KCND2: variants seen among roughly 807,000 people sequenced by gnomAD.
KCND2 encodes A-type voltage-gated potassium channel KCND2.
In KCND2, 16 loss-of-function variants were observed where a neutral mutation model predicts 54.4. That is an observed-to-expected ratio of 0.29 (90% CI 0.20 to 0.45). The LOEUF (loss-of-function observed/expected upper bound fraction) is 0.45, where lower values mean the gene tolerates loss of function less well. KCND2 is among the 20% of genes least tolerant of loss of function. The pLI is 1.00. For synonymous variants in KCND2, 317 were observed against 310.7 expected (o/e 1.02, Z -0.21); for missense variants, 486 against 824.2 (o/e 0.59, Z 5.02).
intron 1 of KCND2, among the ~76,000 whole-genome samples, chr7:120,402,977 A>G (rs1338893581): frequency 6.6e-6 from 1 of 152,200 alleles, no homozygotes; most frequent in Admixed American, 6.5e-5. Context: ...CTTGGGAAGC[A>G]TAACTGGAAA....
chr7:120,623,796 T>C (rs1306539836), intron 1 of KCND2, among the ~76,000 whole-genome samples: 1 of 152,128 alleles, frequency 6.6e-6, no homozygotes, highest in African/African-American at 2.4e-5. Context: ...TTTAACCAGG[T>C]CCTGAAGAAT....
At chr7:120,422,677 C>T (rs919189072) in intron 1 of KCND2, among the ~76,000 whole-genome samples, 5 of 152,204 alleles carry the variant, frequency 3.3e-5, no homozygotes, top group Admixed American at 3.3e-4. Context: ...TCCGTCTGCC[C>T]TCCACCTCGC....
chr7:120,464,644 G>T (rs954286878), intron 1 of KCND2, among the ~76,000 whole-genome samples: 1 of 152,170 alleles, frequency 6.6e-6, no homozygotes, highest in South Asian at 2.1e-4. Flanking sequence ...GCTAAGTTCA[G>T]CTCATATCTA....
chr7:120,513,800 A>G (rs1446092040), intron 1 of KCND2, among the ~76,000 whole-genome samples: 1 of 152,096 alleles, frequency 6.6e-6, no homozygotes, highest in Non-Finnish European at 1.5e-5. Flanking sequence ...ATATGAAAAC[A>G]TTTATTTTAA....
intron 1 of KCND2, among the ~76,000 whole-genome samples, chr7:120,338,689 A>G (rs1020447023): frequency 6.6e-6 from 1 of 152,160 alleles, no homozygotes; most frequent in Non-Finnish European, 1.5e-5. Context: ...GTCTACATTT[A>G]TAGACATTTG....
chr7:120,687,598 A>G (rs1792219839), intron 1 of KCND2, among the ~76,000 whole-genome samples: 1 of 152,026 alleles, frequency 6.6e-6, no homozygotes, highest in Non-Finnish European at 1.5e-5. Context: ...AGTGGGTTGC[A>G]TGAGCCCAGG....
intron 1 of KCND2, among the ~76,000 whole-genome samples, chr7:120,447,287 T>C (rs895876295): frequency 2.0e-5 from 3 of 151,226 alleles, no homozygotes; most frequent in African/African-American, 7.3e-5. Flanking sequence ...AGAATGGATA[T>C]ATAACCTAGT....
chr7:120,420,897 A>G (rs1206220132), intron 1 of KCND2, among the ~76,000 whole-genome samples: 1 of 152,180 alleles, frequency 6.6e-6, no homozygotes, highest in African/African-American at 2.4e-5. Flanking sequence ...CATGAGCTCT[A>G]TGTGACATCG....
intron 1 of KCND2, among the ~76,000 whole-genome samples, chr7:120,383,148 C>A (rs936192006): frequency 6.6e-6 from 1 of 151,904 alleles, no homozygotes; most frequent in East Asian, 1.9e-4. Flanking sequence ...TGAGTGATAT[C>A]CTACCACTCC....
chr7:120,432,701 C>A (rs550692171), intron 1 of KCND2, among the ~76,000 whole-genome samples: 4 of 151,982 alleles, frequency 2.6e-5, no homozygotes, highest in Non-Finnish European at 5.9e-5. Flanking sequence ...CTGGACTGCA[C>A]TGGCACGATC....
intron 1 of KCND2, among the ~76,000 whole-genome samples, chr7:120,365,092 A>G (rs12706280): frequency 0.68 from 103,145 of 151,570 alleles, 38,859 homozygotes; most frequent in South Asian, 0.91. Context: ...AAGCCAAGGT[A>G]AAGTTCATAG....
At chr7:120,331,540 A>G (rs573846527) in intron 1 of KCND2, among the ~76,000 whole-genome samples, 4 of 152,164 alleles carry the variant, frequency 2.6e-5, no homozygotes, top group African/African-American at 9.6e-5. Flanking sequence ...TTGTGCATGC[A>G]TTATGTTTGA....
At chr7:120,463,386 A>G (rs1372460718) in intron 1 of KCND2, among the ~76,000 whole-genome samples, 1 of 138,538 alleles carries the variant, frequency 7.2e-6, no homozygotes, top group Non-Finnish European at 1.5e-5. Context: ...ATAGGTATAT[A>G]AGCAAGCATT....
At chr7:120,546,030 T>C (rs891448568) in intron 1 of KCND2, among the ~76,000 whole-genome samples, 24 of 151,936 alleles carry the variant, frequency 1.6e-4, no homozygotes, top group African/African-American at 5.3e-4. Flanking sequence ...CTCAAGAAAC[T>C]TAAATTAAAA....
chr7:120,720,420 C>T (rs971393245), intron 1 of KCND2, among the ~76,000 whole-genome samples: 1 of 152,068 alleles, frequency 6.6e-6, no homozygotes, highest in Non-Finnish European at 1.5e-5. Context: ...AAGCAGAGCA[C>T]GGCTTTGGGT....
At chr7:120,696,006 C>G (rs776647934) in intron 1 of KCND2, among the ~76,000 whole-genome samples, 3 of 152,106 alleles carry the variant, frequency 2.0e-5, no homozygotes, top group Non-Finnish European at 4.4e-5. Flanking sequence ...TACATCAATC[C>G]TTTTATTTAA....
intron 1 of KCND2, among the ~76,000 whole-genome samples, chr7:120,620,464 G>T (rs186279467): frequency 6.6e-6 from 1 of 152,218 alleles, no homozygotes; most frequent in East Asian, 1.9e-4. Context: ...TATGGTAAAA[G>T]CATTTGTGGT....
chr7:120,372,845 T>C (rs1251199685), intron 1 of KCND2, among the ~76,000 whole-genome samples: 1 of 151,932 alleles, frequency 6.6e-6, no homozygotes, highest in East Asian at 1.9e-4. Context: ...ATCAAAGCTC[T>C]CTGCTAAGTC....
chr7:120,556,925 T>C (rs1792173006), intron 1 of KCND2, among the ~76,000 whole-genome samples: 1 of 152,204 alleles, frequency 6.6e-6, no homozygotes, highest in South Asian at 2.1e-4. Flanking sequence ...TTTGCAATGT[T>C]ATTCACTAAT....
Sources: allele counts gnomAD v4.1 joint callset (sites outside exome capture counted in the v4.1 genomes callset), GRCh38; gene constraint gnomAD v4.1.1; transcripts MANE v1.5; gene names NCBI Gene and HGNC (gene_info 2026-07-23, HGNC 2026-07-21).